MON2: variants seen among roughly 807,000 people sequenced by gnomAD.
The protein encoded by MON2 is MON2 regulator of endosome-to-Golgi trafficking.
In MON2, 84 loss-of-function variants were observed where a neutral mutation model predicts 208.6. The observed-to-expected ratio is 0.40, with a 90% CI of 0.34 to 0.48. MON2 has a LOEUF of 0.48. MON2 is among the 20% of genes least tolerant of loss of function. The pLI, the probability that MON2 is intolerant of heterozygous loss-of-function variation, is 0.59. For synonymous variants in MON2, 660 were observed against 694.0 expected (o/e 0.95, Z 0.77); for missense variants, 1,611 against 2,015.4 (o/e 0.80, Z 3.84).
intron 26 of MON2, among the ~76,000 whole-genome samples, chr12:62,561,989 C>G (rs375699044): frequency 6.6e-6 from 1 of 152,064 alleles, no homozygotes; most frequent in Non-Finnish European, 1.5e-5. Context: ...AGCAGTAGTT[C>G]TTGAACTGTT....
chr12:62,575,888 T>C (rs11174554), intron 30 of MON2, among the ~76,000 whole-genome samples: 17,908 of 152,098 alleles, frequency 0.12, 1,136 homozygotes, highest in African/African-American at 0.14. Context: ...GGAGACACAA[T>C]GGGTGAGTGG....
chr12:62,559,648 G>A (rs1378827484), intron 25 of MON2, among the ~76,000 whole-genome samples: 2 of 151,996 alleles, frequency 1.3e-5, no homozygotes, highest in Non-Finnish European at 2.9e-5. Context: ...AGCCAGGCAT[G>A]GTGGCATGTG....
rs534993758 is a variant in MON2, at chr12:62,581,840, G to T, written c.4699+1420G>T. Among the ~76,000 whole-genome samples the T allele has an allele frequency of 7.9e-5, 12 of 152,140 alleles. No individual in the cohort carries two copies. In the South Asian group the frequency reaches 2.5e-3, roughly 32 times the overall value. On this transcript the variant is annotated intron_variant, in intron 32 of 34. Transcript: ENST00000393630. Reference sequence around the variant, plus strand: ...GCGAGACTGTCTCAAAAACAAAAAAGAAAAAAGAAACTGTAAATTTGTGCC... The same window carrying T: ...GCGAGACTGTCTCAAAAACAAAAAATAAAAAAGAAACTGTAAATTTGTGCC...
chr12:62,559,742 T>C (rs189551068), intron 25 of MON2, among the ~76,000 whole-genome samples: 1 of 151,432 alleles, frequency 6.6e-6, no homozygotes, highest in East Asian at 1.9e-4. Context: ...CATGACACTC[T>C]AGCCTGGGTA....
At chr12:62,502,990 T>A (rs911559737) in intron 7 of MON2, among the ~76,000 whole-genome samples, 1 of 152,256 alleles carries the variant, frequency 6.6e-6, no homozygotes, top group Non-Finnish European at 1.5e-5. Flanking sequence ...GCGAGCAGTA[T>A]ATACACTGAT....
chr12:62,482,526 C>G (rs137897458), intron 1 of MON2: 1 of 152,118 alleles, frequency 6.6e-6, no homozygotes, highest in Non-Finnish European at 1.5e-5. Context: ...AATAAGAAAA[C>G]TTGTACATAT....
At chr12:62,557,943 TATATATATATATATATA>T (rs1325744269) in intron 25 of MON2, among the ~76,000 whole-genome samples, 4,087 of 37,038 alleles carry the variant, frequency 0.11, 337 homozygotes, top group Non-Finnish European at 0.13. Flanking sequence ...TATATATATA[TATATATATATATATATA>T]TATTTTTTTT....
chr12:62,534,450 C>T (rs1340652968), intron 12 of MON2, among the ~76,000 whole-genome samples: 3 of 140,814 alleles, frequency 2.1e-5, no homozygotes, highest in South Asian at 2.3e-4. Context: ...ACCCAGGAGG[C>T]GAAGGTTGCA....
intron 1 of MON2, among the ~76,000 whole-genome samples, chr12:62,474,251 T>A (rs977153279): frequency 2.0e-5 from 3 of 151,988 alleles, no homozygotes; most frequent in Non-Finnish European, 4.4e-5. Context: ...CCTGAGTAGC[T>A]GGGATTACAG....
At chr12:62,507,899 G>C (rs1420469045) in intron 7 of MON2, among the ~76,000 whole-genome samples, 5 of 152,024 alleles carry the variant, frequency 3.3e-5, no homozygotes, top group African/African-American at 1.2e-4. Flanking sequence ...CTCCCAAATT[G>C]CTGGGACTAC....
At chr12:62,480,082 T>C (rs1565955933) in intron 1 of MON2, among the ~76,000 whole-genome samples, 2 of 152,162 alleles carry the variant, frequency 1.3e-5, no homozygotes, top group African/African-American at 4.8e-5. Context: ...ACAGGGTGCC[T>C]ATGAGAATAA....
At chr12:62,590,063 T>C (rs960650297) in intron 34 of MON2, among the ~76,000 whole-genome samples, 10 of 152,270 alleles carry the variant, frequency 6.6e-5, no homozygotes, top group African/African-American at 2.2e-4. Context: ...ATGCATTTGT[T>C]AGACTTATTT....
chr12:62,575,038 A>C (rs1246478942), intron 30 of MON2, among the ~76,000 whole-genome samples: 1 of 152,058 alleles, frequency 6.6e-6, no homozygotes, highest in Admixed American at 6.6e-5. Context: ...AGGTGGGATG[A>C]TCACTTGAGC....
rs1299950843 is a variant in MON2, at chr12:62,532,229, G to A, written c.1401-209G>A. On this transcript the variant is annotated intron_variant, in intron 11 of 34. Coordinates refer to ENST00000393630, the MANE Select transcript of MON2 (RefSeq NM_015026.3). ...TAAATTATTAAAATAATTAGTTATGGCAGTGGTCAGGCCTTAATTTTTCTA... is the reference window on the plus strand; with the variant it reads ...TAAATTATTAAAATAATTAGTTATGACAGTGGTCAGGCCTTAATTTTTCTA... Among the ~76,000 whole-genome samples the A allele has an allele frequency of 3.9e-5, 6 of 152,246 alleles. No homozygotes were observed. In the South Asian group the frequency reaches 8.3e-4, roughly 21 times the overall value.
At chr12:62,582,606 T>G (rs1217758691) in intron 32 of MON2, among the ~76,000 whole-genome samples, 1 of 152,208 alleles carries the variant, frequency 6.6e-6, no homozygotes, top group Non-Finnish European at 1.5e-5. Context: ...TTGACATGGT[T>G]AAATTCCCAG....
intron 4 of MON2, among the ~76,000 whole-genome samples, chr12:62,497,993 A>G (rs2070620873): frequency 6.6e-6 from 1 of 152,214 alleles, no homozygotes; most frequent in East Asian, 1.9e-4. Context: ...TTTACCCAAG[A>G]TAAATGAAAA....
At chr12:62,574,197 G>A (rs951177912) in intron 30 of MON2, among the ~76,000 whole-genome samples, 1 of 152,098 alleles carries the variant, frequency 6.6e-6, no homozygotes, top group Non-Finnish European at 1.5e-5. Flanking sequence ...TGGCATGTAA[G>A]TACTTTAAAA....
intron 7 of MON2, among the ~76,000 whole-genome samples, chr12:62,507,315 C>CTTTTTTT (rs112565800): frequency 9.1e-5 from 13 of 142,814 alleles, no homozygotes; most frequent in Non-Finnish European, 1.4e-4. Context: ...TTTTCTTTTT[C>CTTTTTTT]TTTTTTTTTT....
intron 2 of MON2, among the ~76,000 whole-genome samples, chr12:62,487,308 A>G (rs1012948505): frequency 2.0e-4 from 30 of 152,272 alleles, no homozygotes; most frequent in Admixed American, 7.8e-4. Flanking sequence ...AGCTTATAGT[A>G]TACTAAAAAT....
Sources: allele counts gnomAD v4.1 joint callset (sites outside exome capture counted in the v4.1 genomes callset), GRCh38; gene constraint gnomAD v4.1.1; transcripts MANE v1.5; gene names NCBI Gene and HGNC (gene_info 2026-07-23, HGNC 2026-07-21).